The following SIK3 variants were observed in gnomAD, a reference collection of about 807,000 sequenced individuals.
SIK3 encodes SIK family kinase 3.
A neutral mutation model predicts 144.2 loss-of-function variants in SIK3; 28 were observed. The ratio of observed to expected loss-of-function variants is 0.19; its 90% CI spans 0.14 to 0.27. The LOEUF (loss-of-function observed/expected upper bound fraction) is 0.27, where lower values mean the gene tolerates loss of function less well. Among genes scored for constraint, SIK3 ranks in the 10% least tolerant of loss-of-function variants. The pLI, the probability that SIK3 is intolerant of heterozygous loss-of-function variation, is 1.00. For missense variants in SIK3, 1,319 were observed against 1,776.0 expected (o/e 0.74, Z 4.62); for synonymous variants, 686 against 676.3 (o/e 1.01, Z -0.22).
intron 1 of SIK3, among the ~76,000 whole-genome samples, chr11:117,023,605 CA>C (rs1306485013): frequency 2.3e-4 from 15 of 64,126 alleles, no homozygotes; most frequent in African/African-American, 1.6e-3. Context: ...AACAAACAAA[CA>C]AACAAAAAAA....
At chr11:117,011,034 C>T (rs965170850) in intron 1 of SIK3, among the ~76,000 whole-genome samples, 2 of 152,114 alleles carry the variant, frequency 1.3e-5, no homozygotes, top group African/African-American at 4.8e-5. Context: ...GTGGGAGGAT[C>T]GCTTGAGCAT....
At chr11:116,863,277 A>T (rs1943450559) in intron 16 of SIK3, among the ~76,000 whole-genome samples, 2 of 152,162 alleles carry the variant, frequency 1.3e-5, no homozygotes, top group South Asian at 4.1e-4. Context: ...TTTAAGACAG[A>T]GTCTCGTTCT....
chr11:117,029,334 A>G (rs544650025), intron 1 of SIK3, among the ~76,000 whole-genome samples: 5 of 152,076 alleles, frequency 3.3e-5, no homozygotes, highest in African/African-American at 1.2e-4. Flanking sequence ...GCAAGCACCT[A>G]TAGTCCCAGC....
Position 116,849,343 on chromosome 11 carries a change from C to A in SIK3, c.3656-60G>T. 6.3e-7 allele frequency: 1 copy of A among 1,597,340 alleles called. No individual in the cohort carries two copies. Among genetic ancestry groups the A allele is most frequent in the Non-Finnish European group, 8.6e-7 (1 of 1,167,954 alleles). On this transcript the variant is annotated intron_variant, in intron 21 of 24. Coordinates refer to ENST00000445177, the MANE Select transcript of SIK3 (RefSeq NM_001366686.3). The surrounding 1 kb of genome is among the most constrained non-coding windows in gnomAD (Gnocchi z 4.2). ...GGAACTTCTCCCAGCACTGGAAACT[C>A]CCATCCAAGAAATGTCTTGCAAGGG...
chr11:117,082,465 AC>A (rs1232516241), intron 1 of SIK3, among the ~76,000 whole-genome samples: 4 of 152,226 alleles, frequency 2.6e-5, no homozygotes, highest in African/African-American at 9.6e-5. Flanking sequence ...TGAGATTCCA[AC>A]ATATGTAAGA....
intron 1 of SIK3, among the ~76,000 whole-genome samples, chr11:116,978,017 G>C (rs894427876): frequency 2.0e-5 from 3 of 152,176 alleles, no homozygotes; most frequent in Non-Finnish European, 2.9e-5. Context: ...AGGAGATCGA[G>C]ACCGTCCTGG....
At chr11:117,062,141 A>C (rs1953822603) in intron 1 of SIK3, among the ~76,000 whole-genome samples, 1 of 152,130 alleles carries the variant, frequency 6.6e-6, no homozygotes, top group East Asian at 1.9e-4. Flanking sequence ...CCTGGCCAAC[A>C]TGGTGAAACC....
intron 1 of SIK3, among the ~76,000 whole-genome samples, chr11:117,083,698 G>A (rs1954887452): frequency 6.6e-6 from 1 of 152,204 alleles, no homozygotes; most frequent in African/African-American, 2.4e-5. Context: ...AAGAAATCCT[G>A]CAGGTGTCCA....
chr11:116,873,324 A>T (rs1944059746), intron 13 of SIK3, among the ~76,000 whole-genome samples, 157 bp downstream of exon 13: 1 of 152,098 alleles, frequency 6.6e-6, no homozygotes. Context: ...AGTGTGGAAA[A>T]CTCTACTGGC....
At chr11:117,038,955 C>A (rs1952629265) in intron 1 of SIK3, among the ~76,000 whole-genome samples, 1 of 151,736 alleles carries the variant, frequency 6.6e-6, no homozygotes, top group Admixed American at 6.6e-5. Context: ...GAGGCTGAGG[C>A]AGGAGAATTG....
chr11:116,859,562 C>T lies in SIK3; in HGVS notation c.2468G>A (p.Ser823Asn). 6.2e-7 allele frequency: 1 copy of T among 1,614,168 alleles called. No individual in the cohort carries two copies. The highest frequency in any genetic ancestry group is 1.1e-5 in the South Asian group (1 of 91,088). ...SSQFQGLPSR[S>N]AIFQQQPENC... ...CTCAGGTTGCTGCTGAAAGATTGCA[C>T]TGCGGGAAGGTAAGCCTTGAAACTG... The change falls in exon 20 of 25, where the codon AGT (serine) becomes AAT (asparagine). Residue 823 changes from serine to asparagine, a missense_variant. Around this residue, in one of 8 missense-constraint regions of SIK3, gnomAD observed 646 missense variants for 763.7 expected, o/e 0.85. Coordinates refer to ENST00000445177, the MANE Select transcript of SIK3 (RefSeq NM_001366686.3).
chr11:117,020,743 C>A (rs1449552739), intron 1 of SIK3, among the ~76,000 whole-genome samples: 1 of 152,216 alleles, frequency 6.6e-6, no homozygotes, highest in Non-Finnish European at 1.5e-5. Flanking sequence ...GCGTTCAGTA[C>A]TCTTCCAGGC....
chr11:116,855,381 C>T (rs1438576320), intron 21 of SIK3: 3 of 152,176 alleles, frequency 2.0e-5, no homozygotes, highest in African/African-American at 7.2e-5. Flanking sequence ...TTGAAGTAAT[C>T]TCTCCCTCCT....
At chr11:117,089,697 A>G (rs1266861358) in intron 1 of SIK3, among the ~76,000 whole-genome samples, 1 of 152,218 alleles carries the variant, frequency 6.6e-6, no homozygotes, top group Non-Finnish European at 1.5e-5. Context: ...GCTGGAGCTG[A>G]AACTAGACAG....
At chr11:116,878,187 G>A (rs1317643649) in intron 6 of SIK3, among the ~76,000 whole-genome samples, 1 of 151,982 alleles carries the variant, frequency 6.6e-6, no homozygotes, top group East Asian at 1.9e-4. Flanking sequence ...CGCTGCAAAA[G>A]TCTCCTACCC....
intron 6 of SIK3, 101 bp downstream of exon 6, chr11:116,896,152 G>T: frequency 2.0e-6 from 3 of 1,501,756 alleles, no homozygotes; most frequent in Middle Eastern, 1.9e-4. Flanking sequence ...AAAAAAGGTT[G>T]TAAGTGGGCC....
intron 1 of SIK3, among the ~76,000 whole-genome samples, chr11:117,032,271 T>C (rs1431955627): frequency 6.6e-6 from 1 of 152,314 alleles, no homozygotes; most frequent in Admixed American, 6.5e-5. Flanking sequence ...CTGACATCTT[T>C]ACTATGTTGA....
intron 1 of SIK3, among the ~76,000 whole-genome samples, chr11:116,984,203 A>T (rs1319968862): frequency 6.6e-6 from 1 of 152,200 alleles, no homozygotes; most frequent in Non-Finnish European, 1.5e-5. Flanking sequence ...GATGGCTACA[A>T]ATTACCATAT....
intron 1 of SIK3, among the ~76,000 whole-genome samples, chr11:116,980,529 A>G (rs1172030765): frequency 6.6e-6 from 1 of 152,248 alleles, no homozygotes; most frequent in African/African-American, 2.4e-5. Flanking sequence ...TACTGAATGA[A>G]TATCACTTTC....
Sources: gnomAD v4.1 joint callset for allele counts (sites outside exome capture counted in the v4.1 genomes callset) on GRCh38, gnomAD v4.1.1 for gene constraint, gnomAD v4.1.1 regional missense constraint, Gnocchi (gnomAD v3.1) non-coding constraint, MANE v1.5 for transcripts, NCBI Gene and HGNC (gene_info 2026-07-23, HGNC 2026-07-21) for gene names.